The following RTN1 variants were observed in gnomAD, a reference collection of about 807,000 sequenced individuals.
The protein encoded by RTN1 is reticulon 1, also known as reticulon-1.
Under a neutral mutation model 65.5 loss-of-function variants are expected in RTN1, and 25 were observed. That is an observed-to-expected ratio of 0.38 (90% CI 0.28 to 0.53). The LOEUF (loss-of-function observed/expected upper bound fraction) is 0.53. Among genes scored for constraint, RTN1 ranks in the 20% least tolerant of loss-of-function variants. The pLI is 0.79. For synonymous variants in RTN1, 471 were observed against 447.6 expected (o/e 1.05, Z -0.66); for missense variants, 983 against 1,025.4 (o/e 0.96, Z 0.57).
intron 1 of RTN1, among the ~76,000 whole-genome samples, chr14:59,811,868 C>G (rs1418242203): frequency 6.6e-6 from 1 of 152,156 alleles, no homozygotes; most frequent in African/African-American, 2.4e-5. Flanking sequence ...TAAGCATTAA[C>G]TGGGTACGTT....
At chr14:59,850,356 C>A (rs1887482279) in intron 1 of RTN1, among the ~76,000 whole-genome samples, 1 of 152,176 alleles carries the variant, frequency 6.6e-6, no homozygotes, top group Admixed American at 6.5e-5. Flanking sequence ...TAATCTAACA[C>A]AAAGCCTATT....
At chr14:59,713,415 G>A (rs1884465021) in intron 3 of RTN1, among the ~76,000 whole-genome samples, 1 of 152,072 alleles carries the variant, frequency 6.6e-6, no homozygotes. Context: ...TACTCTTTTT[G>A]CTCCAGGCAA....
chr14:59,790,647 T>C lies in RTN1; in HGVS notation c.242-44166A>G, dbSNP rs900370789. 2.0e-5 allele frequency among the ~76,000 whole-genome samples: 3 copies of C among 152,210 alleles called. No individual in the cohort carries two copies. Among genetic ancestry groups the C allele is most frequent in the Admixed American group, 6.5e-5 (1 of 15,272 alleles). On this transcript the variant is annotated intron_variant, in intron 1 of 8. Transcript: ENST00000267484. This position sits in a 1 kb window ranked among gnomAD's most constrained non-coding sequence, Gnocchi z 4.1. ...TTGAAGTTTCTGTATCAAATTTTCC[T>C]AGCACAAAGTTTACTCTTTTGATGT...
At chr14:59,614,526 T>C (rs1882050870) in intron 3 of RTN1, among the ~76,000 whole-genome samples, 2 of 152,246 alleles carry the variant, frequency 1.3e-5, no homozygotes, top group South Asian at 2.1e-4. Flanking sequence ...CACGTGACTT[T>C]AGGAATCTTT....
chr14:59,728,926 A>G (rs1884839624), intron 2 of RTN1, among the ~76,000 whole-genome samples: 1 of 152,286 alleles, frequency 6.6e-6, no homozygotes, highest in South Asian at 2.1e-4. Flanking sequence ...TATACAAACA[A>G]TATATATAGT....
chr14:59,686,671 CAT>C (rs1374779100), intron 3 of RTN1, among the ~76,000 whole-genome samples: 12 of 152,196 alleles, frequency 7.9e-5, no homozygotes, highest in Non-Finnish European at 1.2e-4. Flanking sequence ...AGCCCCAGCA[CAT>C]GAGAGGAGCA....
At chr14:59,840,433 T>A (rs778130963) in intron 1 of RTN1, among the ~76,000 whole-genome samples, 1 of 152,214 alleles carries the variant, frequency 6.6e-6, no homozygotes, top group African/African-American at 2.4e-5. Flanking sequence ...TTTTTTCAGT[T>A]GTGTGATCTT....
intron 3 of RTN1, among the ~76,000 whole-genome samples, chr14:59,616,856 G>A (rs1183776082): frequency 6.6e-6 from 1 of 152,210 alleles, no homozygotes; most frequent in African/African-American, 2.4e-5. Flanking sequence ...GAAAGCTAAT[G>A]TGTTAAACAT....
At chr14:59,749,419 T>C (rs1203059226) in intron 1 of RTN1, among the ~76,000 whole-genome samples, 1 of 40,320 alleles carries the variant, frequency 2.5e-5, no homozygotes, top group African/African-American at 2.2e-4. Flanking sequence ...TCTATATATA[T>C]CTATATATCT....
intron 3 of RTN1, among the ~76,000 whole-genome samples, chr14:59,725,767 G>A (rs1031583679): frequency 6.6e-6 from 1 of 152,144 alleles, no homozygotes; most frequent in Non-Finnish European, 1.5e-5. Context: ...AAAGAATTTA[G>A]CAGCTAGCTT....
At chr14:59,832,274 G>A (rs1887138104) in intron 1 of RTN1, among the ~76,000 whole-genome samples, 1 of 151,964 alleles carries the variant, frequency 6.6e-6, no homozygotes, top group Non-Finnish European at 1.5e-5. Flanking sequence ...GGTTGCATGA[G>A]CTCCAATATT....
At chr14:59,682,367 T>C (rs1187357039) in intron 3 of RTN1, among the ~76,000 whole-genome samples, 1 of 152,202 alleles carries the variant, frequency 6.6e-6, no homozygotes, top group Non-Finnish European at 1.5e-5. Flanking sequence ...TCCAATGTTA[T>C]ACCATGCATT....
chr14:59,625,798 T>A (rs1882380752), intron 3 of RTN1, among the ~76,000 whole-genome samples: 1 of 152,290 alleles, frequency 6.6e-6, no homozygotes, highest in African/African-American at 2.4e-5. Context: ...TCGAAATATT[T>A]CCTTAAAAAG....
At chr14:59,785,647 C>T (rs1343615731) in intron 1 of RTN1, among the ~76,000 whole-genome samples, 1 of 152,192 alleles carries the variant, frequency 6.6e-6, no homozygotes, top group Non-Finnish European at 1.5e-5. Context: ...TATGCCATAA[C>T]TATTGTTATT....
chr14:59,826,692 T>C (rs1326990580), intron 1 of RTN1, among the ~76,000 whole-genome samples: 1 of 152,170 alleles, frequency 6.6e-6, no homozygotes, highest in African/African-American at 2.4e-5. Context: ...GAAAATATAG[T>C]GTTTCTACCC....
chr14:59,837,221 G>A (rs181372247), intron 1 of RTN1, among the ~76,000 whole-genome samples: 52 of 151,884 alleles, frequency 3.4e-4, no homozygotes, highest in African/African-American at 1.1e-3. Context: ...CAAATTACAG[G>A]ATAATAAATA....
intron 3 of RTN1, among the ~76,000 whole-genome samples, chr14:59,666,896 A>C (rs1286593341): frequency 6.6e-6 from 1 of 150,852 alleles, no homozygotes; most frequent in East Asian, 1.9e-4. Flanking sequence ...ACCAGGAAGA[A>C]CTTGAATCTC....
At chr14:59,725,710 A>G (rs1017868368) in intron 3 of RTN1, among the ~76,000 whole-genome samples, 3 of 152,204 alleles carry the variant, frequency 2.0e-5, no homozygotes, top group African/African-American at 7.2e-5. Context: ...GTATCTTTTT[A>G]TTTCAGTCCT....
chr14:59,626,780 G>T (rs1239396264), intron 3 of RTN1, among the ~76,000 whole-genome samples: 1 of 152,146 alleles, frequency 6.6e-6, no homozygotes, highest in Non-Finnish European at 1.5e-5. Context: ...ATTAAAGCAG[G>T]TATGTAACAA....
Sources: gnomAD v4.1 joint callset for allele counts (sites outside exome capture counted in the v4.1 genomes callset) on GRCh38, gnomAD v4.1.1 for gene constraint, Gnocchi (gnomAD v3.1) non-coding constraint, MANE v1.5 for transcripts, NCBI Gene and HGNC (gene_info 2026-07-23, HGNC 2026-07-21) for gene names.